RANBP17: variants seen among roughly 807,000 people sequenced by gnomAD.
The protein encoded by RANBP17 is RAN binding protein 17.
In RANBP17, 158 loss-of-function variants were observed where a neutral mutation model predicts 141.2. The observed-to-expected ratio is 1.12, with a 90% confidence interval of 0.98 to 1.28. The LOEUF is 1.28. Among genes scored for constraint, RANBP17 ranks in the 50% most tolerant of loss-of-function variants. RANBP17 has a pLI of 0.00. For synonymous variants in RANBP17, 430 were observed against 450.0 expected (o/e 0.96, Z 0.56); for missense variants, 1,438 against 1,290.7 (o/e 1.11, Z -1.75).
At chr5:170,871,674 C>T (rs887816588) in intron 1 of RANBP17, among the ~76,000 whole-genome samples, 2 of 152,206 alleles carry the variant, frequency 1.3e-5, no homozygotes, top group Middle Eastern at 3.4e-3. Context: ...AGTCTTTAAT[C>T]CATCTTGAGT....
chr5:171,011,116 T>A (rs1434076567), intron 14 of RANBP17, among the ~76,000 whole-genome samples: 1 of 152,120 alleles, frequency 6.6e-6, no homozygotes, highest in African/African-American at 2.4e-5. Context: ...GATTGCAGAC[T>A]AACATCTCTC....
At chr5:171,137,072 A>G (rs898567425) in intron 14 of RANBP17, among the ~76,000 whole-genome samples, 10 of 152,194 alleles carry the variant, frequency 6.6e-5, no homozygotes, top group African/African-American at 2.4e-4. Context: ...TTTTGACATC[A>G]GTAGCATCCT....
At chr5:170,955,730 A>G (rs976370769) in intron 13 of RANBP17, among the ~76,000 whole-genome samples, 4 of 140,466 alleles carry the variant, frequency 2.8e-5, no homozygotes, top group African/African-American at 7.8e-5. Flanking sequence ...AATTATTTCA[A>G]TCTACATAAA....
At chr5:170,894,492 A>ATATATATATG (rs1408808294) in intron 4 of RANBP17, among the ~76,000 whole-genome samples, 2 of 146,438 alleles carry the variant, frequency 1.4e-5, no homozygotes, top group Admixed American at 6.8e-5. Context: ...TTTTTTATAT[A>ATATATATATG]TATATATATA....
At chr5:171,000,329 C>G (rs1407338907) in intron 14 of RANBP17, among the ~76,000 whole-genome samples, 2 of 152,134 alleles carry the variant, frequency 1.3e-5, no homozygotes, top group African/African-American at 4.8e-5. Flanking sequence ...AGTTGTACCA[C>G]TTAATATTTC....
At chr5:171,122,323 G>A (rs1756100072) in intron 14 of RANBP17, among the ~76,000 whole-genome samples, 2 of 152,110 alleles carry the variant, frequency 1.3e-5, no homozygotes, top group Admixed American at 6.5e-5. Flanking sequence ...TCTCTAGTCA[G>A]CTATCTTGCT....
intron 24 of RANBP17, among the ~76,000 whole-genome samples, chr5:171,250,580 A>G (rs1403657023): frequency 6.6e-6 from 1 of 152,226 alleles, no homozygotes; most frequent in African/African-American, 2.4e-5. Context: ...ATCCAACTAT[A>G]TACTGCTTAC....
At chr5:171,143,917 AC>A (rs1291486983) in intron 14 of RANBP17, among the ~76,000 whole-genome samples, 1 of 152,232 alleles carries the variant, frequency 6.6e-6, no homozygotes, top group African/African-American at 2.4e-5. Context: ...ACAGAGCATG[AC>A]ATGATTAGTC....
intron 14 of RANBP17, among the ~76,000 whole-genome samples, chr5:171,037,420 T>G (rs1032467804): frequency 6.6e-6 from 1 of 152,200 alleles, no homozygotes; most frequent in Middle Eastern, 3.2e-3. Flanking sequence ...TTTCTTTTGC[T>G]GTGCAGAAGC....
intron 14 of RANBP17, among the ~76,000 whole-genome samples, chr5:171,138,902 G>A (rs781691302): frequency 5.3e-5 from 8 of 151,874 alleles, no homozygotes; most frequent in Non-Finnish European, 8.8e-5. Context: ...ATAATGAGTC[G>A]TCATCTCTGC....
chr5:171,171,641 A>G (rs961398963), intron 16 of RANBP17, among the ~76,000 whole-genome samples: 19 of 152,090 alleles, frequency 1.2e-4, no homozygotes, highest in African/African-American at 4.6e-4. Context: ...AAAGTATGTA[A>G]CTTAATTTTA....
Position 170,916,173 on chromosome 5 carries a change from T to TAA in RANBP17, c.835-292_835-291insAA, listed in dbSNP as rs1771940755. Among the ~76,000 whole-genome samples the TAA allele has an allele frequency of 2.3e-5, 2 of 85,808 alleles. 1 individual carries two copies. Among genetic ancestry groups the TAA allele is most frequent in the African/African-American group, 7.0e-5 (2 of 28,698 alleles). The allele number at this position is 85,808 out of a possible 152,430, so 56.3% of individuals were successfully genotyped here. ...GCATTATAATGCGTTATATTCTATA[T>TAA]TGCATTATAATGCGTTATATTCTAT... On this transcript the variant is annotated intron_variant, in intron 8 of 27. Coordinates refer to ENST00000523189, the MANE Select transcript of RANBP17 (RefSeq NM_022897.5).
chr5:171,077,371 T>C (rs1784999715), intron 14 of RANBP17, among the ~76,000 whole-genome samples: 1 of 150,914 alleles, frequency 6.6e-6, no homozygotes, highest in Admixed American at 6.6e-5. Flanking sequence ...AGGTAAGTTA[T>C]GAAGTAATCT....
At chr5:171,209,642 A>T (rs1416429215) in intron 20 of RANBP17, among the ~76,000 whole-genome samples, 1 of 152,232 alleles carries the variant, frequency 6.6e-6, no homozygotes, top group African/African-American at 2.4e-5. Flanking sequence ...GCAAAGGGCT[A>T]TATGAGCATG....
At chr5:170,975,378 A>C (rs560047227) in intron 14 of RANBP17, among the ~76,000 whole-genome samples, 14 of 152,166 alleles carry the variant, frequency 9.2e-5, no homozygotes, top group African/African-American at 3.4e-4. Context: ...AAAATACAAA[A>C]TTTAGCCAGG....
At chr5:171,225,835 T>C (rs1763848797) in intron 22 of RANBP17, among the ~76,000 whole-genome samples, 2 of 152,224 alleles carry the variant, frequency 1.3e-5, no homozygotes, top group Admixed American at 1.3e-4. Flanking sequence ...ACTTTTGATA[T>C]GCTGTTTTAT....
At chr5:171,097,908 T>G (rs1581629274) in intron 14 of RANBP17, among the ~76,000 whole-genome samples, 1 of 152,030 alleles carries the variant, frequency 6.6e-6, no homozygotes, top group Non-Finnish European at 1.5e-5. Context: ...GTTTCTGTGT[T>G]AGTTTGCTGA....
intron 14 of RANBP17, among the ~76,000 whole-genome samples, chr5:171,082,501 A>G (rs1561632495): frequency 1.3e-5 from 2 of 152,120 alleles, no homozygotes; most frequent in African/African-American, 4.8e-5. Context: ...TCTCAGATAA[A>G]ATTATAGTCT....
At chr5:170,874,671 A>G (rs1554126590) in intron 1 of RANBP17, among the ~76,000 whole-genome samples, 1 of 145,438 alleles carries the variant, frequency 6.9e-6, no homozygotes, top group African/African-American at 2.5e-5. Flanking sequence ...TTTGCTTTCC[A>G]TTTGCTTGGT....
Sources: allele counts gnomAD v4.1 joint callset (sites outside exome capture counted in the v4.1 genomes callset), GRCh38; gene constraint gnomAD v4.1.1; transcripts MANE v1.5; gene names NCBI Gene and HGNC (gene_info 2026-07-23, HGNC 2026-07-21).